The following ERC2 variants were observed in gnomAD, a reference collection of about 807,000 sequenced individuals.
The protein encoded by ERC2 is ERC protein 2.
In ERC2, 42 loss-of-function variants were observed where a neutral mutation model predicts 114.8. The observed-to-expected ratio is 0.37, with a 90% CI of 0.29 to 0.47. The LOEUF (loss-of-function observed/expected upper bound fraction) is 0.47. ERC2 is among the 20% of genes least tolerant of loss of function. ERC2 has a pLI of 0.99. For missense variants in ERC2, 939 were observed against 1,150.7 expected (o/e 0.82, Z 2.66); for synonymous variants, 454 against 425.5 (o/e 1.07, Z -0.82).
At chr3:55,627,359 G>A (rs113280889) in intron 17 of ERC2, among the ~76,000 whole-genome samples, 14,067 of 152,092 alleles carry the variant, frequency 0.092, 854 homozygotes, top group Non-Finnish European at 0.14. Context: ...CCAGCTACTC[G>A]GGAGGCTGAG....
intron 2 of ERC2, among the ~76,000 whole-genome samples, chr3:56,328,497 C>T (rs1162448723): frequency 1.3e-5 from 2 of 151,964 alleles, no homozygotes; most frequent in African/African-American, 4.8e-5. Context: ...TATCTTACAC[C>T]CATACTAGAG....
chr3:55,947,424 A>G (rs146771608), intron 13 of ERC2, among the ~76,000 whole-genome samples: 22 of 152,292 alleles, frequency 1.4e-4, no homozygotes, highest in African/African-American at 5.3e-4. Context: ...ACTCCCGTAC[A>G]TTTTTGTCTT....
intron 17 of ERC2, among the ~76,000 whole-genome samples, chr3:55,546,225 C>G (rs990909373): frequency 6.6e-5 from 10 of 152,162 alleles, no homozygotes; most frequent in Non-Finnish European, 1.3e-4. Flanking sequence ...TCATTCTGTC[C>G]GGCCTCCCTG....
At chr3:56,047,069 G>A (rs1035935919) in intron 7 of ERC2, among the ~76,000 whole-genome samples, 23 of 152,102 alleles carry the variant, frequency 1.5e-4, no homozygotes, top group African/African-American at 5.3e-4. Flanking sequence ...TAAATTCAGG[G>A]TCCCTTAAAC....
chr3:55,788,413 T>C (rs1205586837), intron 14 of ERC2, among the ~76,000 whole-genome samples: 1 of 152,206 alleles, frequency 6.6e-6, no homozygotes, highest in Admixed American at 6.5e-5. Context: ...AAGAGAATGA[T>C]CATCAGCTAC....
At chr3:56,381,548 T>A (rs563418714) in intron 2 of ERC2, among the ~76,000 whole-genome samples, 66 of 151,438 alleles carry the variant, frequency 4.4e-4, no homozygotes, top group African/African-American at 1.1e-3. Flanking sequence ...AATTTACTTT[T>A]AAAAAAAAAT....
At chr3:56,452,551 C>T (rs2107524882) in intron 1 of ERC2, among the ~76,000 whole-genome samples, 1 of 152,254 alleles carries the variant, frequency 6.6e-6, no homozygotes, top group East Asian at 1.9e-4. Flanking sequence ...ATAAAACTCA[C>T]CAGCTTTATG....
At chr3:56,219,770 G>T (rs1348373054) in intron 3 of ERC2, among the ~76,000 whole-genome samples, 1 of 151,776 alleles carries the variant, frequency 6.6e-6, no homozygotes, top group East Asian at 1.9e-4. Context: ...TAAGAGAGGA[G>T]CTGCTCCCTA....
At chr3:56,018,861 T>A (rs369098820) in intron 8 of ERC2, 33 bp downstream of exon 8, 2 of 1,603,716 alleles carry the variant, frequency 1.2e-6, no homozygotes, top group African/African-American at 1.3e-5. Flanking sequence ...TTTCCCCATA[T>A]CCTGATTCCC....
At chr3:56,049,818 ATGTGTGTGTGTGTGTGTGTG>A (rs3052672) in intron 7 of ERC2, among the ~76,000 whole-genome samples, 4 of 145,208 alleles carry the variant, frequency 2.8e-5, no homozygotes, top group Admixed American at 2.1e-4. Context: ...CCCATCATAT[ATGTGTGTGTGTGTGTGTGTG>A]TGTGTGTGTG....
intron 2 of ERC2, among the ~76,000 whole-genome samples, chr3:56,298,843 T>C (rs13076397): frequency 0.26 from 38,946 of 152,002 alleles, 5,816 homozygotes; most frequent in Non-Finnish European, 0.33. Context: ...AATGAGTGAA[T>C]TGTATGGTAC....
intron 14 of ERC2, among the ~76,000 whole-genome samples, chr3:55,815,605 G>A (rs1391079168): frequency 2.0e-5 from 3 of 152,192 alleles, no homozygotes; most frequent in Admixed American, 6.5e-5. Flanking sequence ...ATTTCAACCT[G>A]TGAGACCCTG....
intron 7 of ERC2, among the ~76,000 whole-genome samples, chr3:56,064,382 C>A (rs9819904): frequency 0.37 from 56,725 of 152,042 alleles, 11,196 homozygotes; most frequent in East Asian, 0.55. Flanking sequence ...GTGTATGCCG[C>A]CCTTCATAAA....
At chr3:56,231,295 T>C (rs1222381366) in intron 3 of ERC2, among the ~76,000 whole-genome samples, 3 of 152,240 alleles carry the variant, frequency 2.0e-5, no homozygotes, top group African/African-American at 7.2e-5. Flanking sequence ...AACCTATCTT[T>C]GAAGGCCAAT....
At chr3:56,432,372 A>G (rs990661840) in intron 2 of ERC2, among the ~76,000 whole-genome samples, 15 of 152,222 alleles carry the variant, frequency 9.9e-5, no homozygotes, top group African/African-American at 3.6e-4. Flanking sequence ...TTTCCAAAAA[A>G]TTAAAATGAA....
At chr3:55,958,709 C>T (rs1025739379) in intron 12 of ERC2, among the ~76,000 whole-genome samples, 1 of 152,226 alleles carries the variant, frequency 6.6e-6, no homozygotes, top group Non-Finnish European at 1.5e-5. Flanking sequence ...TCAGTGCTGC[C>T]CTGAGCATGC....
At chr3:55,742,398 T>C (rs1225071870) in intron 14 of ERC2, among the ~76,000 whole-genome samples, 3 of 152,226 alleles carry the variant, frequency 2.0e-5, no homozygotes, top group Non-Finnish European at 2.9e-5. Flanking sequence ...TTAGGAACTA[T>C]TACAAATTGG....
chr3:56,101,717 G>A (rs1213677913), intron 6 of ERC2, among the ~76,000 whole-genome samples: 4 of 152,156 alleles, frequency 2.6e-5, no homozygotes, highest in African/African-American at 4.8e-5. Context: ...GTCCGGAGTA[G>A]CCATTGTGGT....
intron 2 of ERC2, among the ~76,000 whole-genome samples, chr3:56,426,703 T>C (rs1188037112): frequency 6.6e-6 from 1 of 152,170 alleles, no homozygotes; most frequent in African/African-American, 2.4e-5. Flanking sequence ...GGTGGAGACA[T>C]GGAACGTACC....
Sources: allele counts gnomAD v4.1 joint callset (sites outside exome capture counted in the v4.1 genomes callset), GRCh38; gene constraint gnomAD v4.1.1; transcripts MANE v1.5; gene names NCBI Gene and HGNC (gene_info 2026-07-23, HGNC 2026-07-21).